Variants in TRPM3 observed in about 807,000 individuals in gnomAD.
TRPM3 encodes the protein transient receptor potential cation channel subfamily M member 3.
Under a neutral mutation model 181.2 loss-of-function variants are expected in TRPM3, and 77 were observed. The observed-to-expected ratio is 0.42, with a 90% CI of 0.35 to 0.51. TRPM3 has a LOEUF of 0.51. TRPM3 is among the 20% of genes least tolerant of loss of function. The pLI, the probability that TRPM3 is intolerant of heterozygous loss-of-function variation, is 0.01. For synonymous variants in TRPM3, 745 were observed against 796.4 expected, an observed-to-expected ratio of 0.94 and a Z score of 1.09; for missense variants, 1,759 against 2,196.7, an observed-to-expected ratio of 0.80 and a Z score of 3.98.
intron 1 of TRPM3, among the ~76,000 whole-genome samples, chr9:71,032,198 T>TATATACTATATATTATATA (rs1480939220): frequency 0.016 from 948 of 60,414 alleles, 4 homozygotes; most frequent in South Asian, 0.024. Flanking sequence ...TATAATATAA[T>TATATACTATATATTATATA]ATATAATATA....
At chr9:71,035,221 TAG>T (rs1439109065) in intron 1 of TRPM3, among the ~76,000 whole-genome samples, 1 of 152,226 alleles carries the variant, frequency 6.6e-6, no homozygotes, top group Non-Finnish European at 1.5e-5. Context: ...CAGCAATTTA[TAG>T]AGTTTAGATT....
chr9:70,866,004 T>C (rs1247035018), intron 1 of TRPM3, among the ~76,000 whole-genome samples: 1 of 151,998 alleles, frequency 6.6e-6, no homozygotes, highest in Non-Finnish European at 1.5e-5. Flanking sequence ...GTCTCAAATA[T>C]TTTTCTTTTC....
intron 1 of TRPM3, among the ~76,000 whole-genome samples, chr9:71,328,459 C>A (rs996059583): frequency 6.6e-6 from 1 of 152,214 alleles, no homozygotes; most frequent in African/African-American, 2.4e-5. Flanking sequence ...AGCCACCGCA[C>A]CCGGCCGACT....
At chr9:70,798,234 G>A (rs568999282) in intron 6 of TRPM3, among the ~76,000 whole-genome samples, 3 of 152,120 alleles carry the variant, frequency 2.0e-5, no homozygotes, top group African/African-American at 7.2e-5. Flanking sequence ...TCTATATTTT[G>A]TGTAGAGACA....
intron 1 of TRPM3, among the ~76,000 whole-genome samples, chr9:71,272,617 T>C (rs1402022040): frequency 6.6e-6 from 1 of 152,182 alleles, no homozygotes; most frequent in Admixed American, 6.5e-5. Flanking sequence ...CAGGCTCACA[T>C]ACCTGTACAT....
chr9:71,355,626 GTTAT>G lies in TRPM3; in HGVS notation c.183+91023_183+91026del, dbSNP rs201285341. Among the ~76,000 whole-genome samples the G allele has an allele frequency of 6.1e-3, 926 of 152,238 alleles. 12 individuals carry two copies. Among genetic ancestry groups the G allele is most frequent in the African/African-American group, 0.021 (886 of 41,532 alleles). On this transcript the variant is annotated intron_variant, in intron 1 of 24. Coordinates refer to the TRPM3 transcript ENST00000357533. The stretch of plus-strand genomic sequence containing the variant: ...AGGAAGCCGATAGAGTCCCCCTGTG[GTTAT>G]TTGAGGCCATGTGACTATTTCTCTC...
At chr9:70,614,139 T>C (rs1277774773) in intron 18 of TRPM3, among the ~76,000 whole-genome samples, 1 of 152,172 alleles carries the variant, frequency 6.6e-6, no homozygotes, top group East Asian at 1.9e-4. Flanking sequence ...AGCTTTGCCA[T>C]GAACAGGCTG....
chr9:71,194,206 G>T (rs188030097), intron 1 of TRPM3, among the ~76,000 whole-genome samples: 240 of 151,946 alleles, frequency 1.6e-3, no homozygotes, highest in African/African-American at 5.4e-3. Flanking sequence ...GTGTTTGATG[G>T]CTCTTTCTAA....
intron 1 of TRPM3, chr9:70,917,630 CA>C (rs1350626437): frequency 2.3e-6 from 1 of 429,090 alleles, no homozygotes; most frequent in East Asian, 3.0e-5. Flanking sequence ...GCCTCAAATC[CA>C]AAACAGAGTA....
chr9:70,964,675 G>A (rs111621186), intron 1 of TRPM3, among the ~76,000 whole-genome samples: 48 of 152,138 alleles, frequency 3.2e-4, no homozygotes, highest in African/African-American at 1.1e-3. Context: ...TGTGACTCCT[G>A]TCCTTGACTG....
chr9:70,997,332 A>G (rs2097549487), intron 1 of TRPM3, among the ~76,000 whole-genome samples: 1 of 152,124 alleles, frequency 6.6e-6, no homozygotes, highest in South Asian at 2.1e-4. Context: ...AGTAGCTGGG[A>G]CTACAGGCTC....
intron 1 of TRPM3, among the ~76,000 whole-genome samples, chr9:71,008,360 C>T (rs562610848): frequency 1.3e-5 from 2 of 149,422 alleles, no homozygotes; most frequent in South Asian, 4.3e-4. Context: ...ATTAATACTT[C>T]TCAAACTGTT....
At chr9:70,964,615 T>A (rs1408287326) in intron 1 of TRPM3, among the ~76,000 whole-genome samples, 2 of 152,098 alleles carry the variant, frequency 1.3e-5, no homozygotes, top group African/African-American at 4.8e-5. Context: ...AGTTGTATTC[T>A]GAGCTGATGT....
intron 1 of TRPM3, among the ~76,000 whole-genome samples, chr9:71,393,789 C>T (rs1017358191): frequency 6.6e-6 from 1 of 152,144 alleles, no homozygotes; most frequent in Non-Finnish European, 1.5e-5. Context: ...AAGTATACCA[C>T]ACAGCACACT....
At chr9:71,409,460 C>T (rs1225166496) in intron 1 of TRPM3, among the ~76,000 whole-genome samples, 1 of 152,084 alleles carries the variant, frequency 6.6e-6, no homozygotes, top group Non-Finnish European at 1.5e-5. Context: ...GTTGCAAATC[C>T]TAGTCTCTGA....
chr9:70,870,978 A>G (rs1291968330), intron 1 of TRPM3, among the ~76,000 whole-genome samples: 1 of 151,962 alleles, frequency 6.6e-6, no homozygotes, highest in Non-Finnish European at 1.5e-5. Flanking sequence ...TAACCATATG[A>G]TAATAGGAGG....
intron 1 of TRPM3, among the ~76,000 whole-genome samples, chr9:71,148,323 G>C (rs967974498): frequency 1.3e-4 from 20 of 151,970 alleles, no homozygotes; most frequent in African/African-American, 4.6e-4. Context: ...TCATACATTT[G>C]CTTGAATTTT....
intron 9 of TRPM3, among the ~76,000 whole-genome samples, chr9:70,664,021 T>C (rs994828328): frequency 2.6e-5 from 4 of 152,252 alleles, no homozygotes; most frequent in African/African-American, 4.8e-5. Flanking sequence ...ATTAAATAGA[T>C]AATATTATGT....
intron 1 of TRPM3, among the ~76,000 whole-genome samples, chr9:71,314,817 T>C (rs1293715796): frequency 6.6e-6 from 1 of 151,732 alleles, no homozygotes; most frequent in Non-Finnish European, 1.5e-5. Flanking sequence ...ACTTAGCTTC[T>C]TTTTTCTTTG....
Sources: gnomAD v4.1 joint callset for allele counts (sites outside exome capture counted in the v4.1 genomes callset) on GRCh38, gnomAD v4.1.1 for gene constraint, MANE v1.5 for transcripts, NCBI Gene and HGNC (gene_info 2026-07-23, HGNC 2026-07-21) for gene names.